Variants in SGO2 observed in about 807,000 individuals in gnomAD.
SGO2 encodes the protein shugoshin 2.
A neutral mutation model predicts 99.5 loss-of-function variants in SGO2; 68 were observed. The observed-to-expected ratio is 0.68, with a 90% confidence interval of 0.56 to 0.84. SGO2 has a LOEUF of 0.84. SGO2 is among the 40% of genes least tolerant of loss of function. SGO2 has a pLI of 0.00. For missense variants in SGO2, 1,350 were observed against 1,436.7 expected (o/e 0.94, Z 0.97); for synonymous variants, 457 against 487.1 (o/e 0.94, Z 0.81).
At chr2:200,530,106 G>A (rs1020834956) in intron 1 of SGO2, among the ~76,000 whole-genome samples, 4 of 150,186 alleles carry the variant, frequency 2.7e-5, no homozygotes, top group Non-Finnish European at 5.9e-5. Flanking sequence ...TGGAGAGACC[G>A]TACTAAGGAC....
In SGO2 at chr2:200,573,124, T is replaced by G; in HGVS notation, c.2778T>G (p.Asp926Glu). 6.3e-7 allele frequency: 1 copy of G among 1,592,176 alleles called. No individual in the cohort carries two copies. The highest frequency in any genetic ancestry group is 8.5e-7 in the Non-Finnish European group (1 of 1,174,352). ...IISEMNQIYE[D>E]NDKDAHVQES... is the part of the protein sequence containing the mutation. ...CTGAAATGAACCAGATATATGAGGA[T>G]AATGATAAAGATGCACATGTCCAAG... is the stretch of plus-strand genomic sequence containing the variant. The change falls in exon 7 of 9, where the codon GAT becomes GAG. Residue 926 changes from aspartate to glutamate, a missense_variant. Transcript: ENST00000357799.
At chr2:200,554,771 C>T (rs1228788045) in intron 5 of SGO2, among the ~76,000 whole-genome samples, 1 of 152,300 alleles carries the variant, frequency 6.6e-6, no homozygotes, top group East Asian at 1.9e-4. Flanking sequence ...GCCAAATACG[C>T]CAAATTTCAC....
rs3840472 is a variant in SGO2 at position 200,583,560 on chromosome 2, G to GT, written c.*106dup. 0.099 allele frequency: 102,074 copies of GT among 1,033,674 alleles called. 2,018 individuals are homozygous for GT. Among genetic ancestry groups the GT allele is most frequent in the Admixed American group, 0.13 (4,696 of 35,568 alleles). The allele number at this position is 1,033,674 out of a possible 1,614,324, so 64.0% of individuals were successfully genotyped here. A position where few individuals can be genotyped will look rare whatever the true frequency, so the allele number is the denominator to read the frequency against. The stretch of plus-strand genomic sequence containing the variant: ...AGAAGATGAAATGCTTAATGAAAAG[G>GT]TTTTTTTTTTGTTTCTTTGGCCTTT... On this transcript the variant is annotated 3_prime_UTR_variant, in exon 9 of 9. Transcript: ENST00000357799.
intron 5 of SGO2, among the ~76,000 whole-genome samples, chr2:200,557,974 C>T (rs1276397843): frequency 6.6e-6 from 1 of 151,614 alleles, no homozygotes; most frequent in East Asian, 1.9e-4. Context: ...AGCGATTCTC[C>T]TGCCTCAGCC....
intron 8 of SGO2, among the ~76,000 whole-genome samples, chr2:200,578,932 G>A (rs1486384592): frequency 1.3e-5 from 2 of 152,088 alleles, no homozygotes; most frequent in East Asian, 1.9e-4. Context: ...TGGCACTGTT[G>A]ACCTTTGGGG....
Position 200,571,705 on chromosome 2 carries a change from TAATGAACAGCTGGCTCAGATG to T in SGO2, c.1378_1398del (p.Met460_Gln466del), listed in dbSNP as rs779021867. The T allele has an allele frequency of 7.7e-5, 125 of 1,613,722 alleles. No homozygotes were observed. In the African/African-American group the frequency reaches 8.1e-4, roughly 10 times the overall value. On this transcript the variant is annotated inframe_deletion, in exon 7 of 9. Transcript: ENST00000357799. Reference sequence around the variant, plus strand: ...CAGAAGATCCCGGTTTTATTTTCAATAATGAACAGCTGGCTCAGATGAATGAACAGCTGGCTCAGGTGAATG... The same window carrying T: ...CAGAAGATCCCGGTTTTATTTTCAATAATGAACAGCTGGCTCAGGTGAATG...
chr2:200,566,087 C>T (rs2033176045), intron 5 of SGO2, among the ~76,000 whole-genome samples: 2 of 152,222 alleles, frequency 1.3e-5, no homozygotes, highest in African/African-American at 4.8e-5. Flanking sequence ...AAGTCATTCT[C>T]CATTCAGCTT....
chr2:200,538,343 T>C (rs564548594), intron 4 of SGO2, among the ~76,000 whole-genome samples: 4 of 152,326 alleles, frequency 2.6e-5, no homozygotes, highest in Non-Finnish European at 4.4e-5. Context: ...ACATGTTCTG[T>C]CTGCATGTGA....
At chr2:200,531,228 A>G (rs1029047639) in intron 1 of SGO2, among the ~76,000 whole-genome samples, 3 of 152,218 alleles carry the variant, frequency 2.0e-5, no homozygotes, top group Non-Finnish European at 2.9e-5. Context: ...GGTAATTGCA[A>G]TGGAAGTTTT....
intron 1 of SGO2, among the ~76,000 whole-genome samples, chr2:200,529,388 A>G (rs1042993895): frequency 2.0e-5 from 3 of 152,272 alleles, no homozygotes; most frequent in Admixed American, 2.0e-4. Flanking sequence ...TGAATAAAAC[A>G]TAAAAATCCA....
Position 200,571,234 on chromosome 2 carries a change from TAAAC to T in SGO2, c.891_894del (p.Lys297AsnfsTer8), listed in dbSNP as rs755860489. 1.9e-6 allele frequency: 3 copies of T among 1,613,526 alleles called. No individual in the cohort carries two copies. The highest frequency in any genetic ancestry group is 1.7e-5 in the Admixed American group (1 of 59,980). ...ACACTCCCTGTGCAACAGTTTTAGA[TAAAC>T]AACACATTTCAAGTCCAGAATTAAA... On this transcript the variant is annotated frameshift_variant, in exon 7 of 9. Coordinates refer to ENST00000357799, the MANE Select transcript of SGO2 (RefSeq NM_152524.6). LOFTEE classifies it high-confidence loss of function.
At position 200,573,017 on chromosome 2, in the gene SGO2, A is replaced by G. The variant is rs201567940; in HGVS notation, c.2671A>G (p.Thr891Ala). ...QNILELKKYV[T>A]DRKSAEQNES... ...TATATTGGAGTTGAAAAAGTATGTT[A>G]CTGATAGGAAATCTGCTGAGCAAAA... The change falls in exon 7 of 9, where the codon ACT becomes GCT. Residue 891 changes from threonine (T) to alanine (A), a missense_variant. Physicochemically the swap from Thr to Ala is moderately conservative, Grantham distance 58. Transcript: ENST00000357799. 18 of 1,572,158 alleles carry G rather than the reference A, an allele frequency of 1.1e-5. No homozygotes were observed. The African/African-American group carries it at 2.5e-4, about 22-fold the overall frequency.
At chr2:200,528,248 A>G (rs1025692350) in intron 1 of SGO2, among the ~76,000 whole-genome samples, 1 of 152,230 alleles carries the variant, frequency 6.6e-6, no homozygotes, top group Non-Finnish European at 1.5e-5. Flanking sequence ...AAGCTTTAAA[A>G]GGATCATTGT....
At chr2:200,568,817 A>T (rs561691052) in intron 5 of SGO2, among the ~76,000 whole-genome samples, 16 of 152,142 alleles carry the variant, frequency 1.1e-4, no homozygotes, top group African/African-American at 3.9e-4. Context: ...GTTGTTTTTT[A>T]AAATATTTTG....
At chr2:200,561,092 C>T (rs367744926) in intron 5 of SGO2, among the ~76,000 whole-genome samples, 160 of 152,144 alleles carry the variant, frequency 1.1e-3, no homozygotes, top group Non-Finnish European at 1.9e-3. Flanking sequence ...ATGTGCACAA[C>T]GTGCAGGTTT....
Position 200,572,012 on chromosome 2 carries a change from G to T in SGO2, c.1666G>T (p.Val556Leu). The T allele has an allele frequency of 6.2e-7, 1 of 1,612,498 alleles. No individual in the cohort carries two copies. The part of the protein sequence containing the change: ...DNLLPNQKDK[V>L]TIYENLDVTN... ...CTTACTCCCAAACCAAAAGGATAAA[G>T]TAACCATTTATGAAAACCTAGACGT... is the stretch of plus-strand genomic sequence containing the variant. Residue 556 changes from valine to leucine, a missense_variant, in exon 7 of 9, where the codon GTA becomes TTA. By Grantham distance (32) the Val-to-Leu change is conservative. Transcript: ENST00000357799.
intron 1 of SGO2, among the ~76,000 whole-genome samples, chr2:200,532,122 G>A (rs183327306): frequency 1.2e-4 from 18 of 152,238 alleles, no homozygotes; most frequent in African/African-American, 3.9e-4. Flanking sequence ...GAATGAACGT[G>A]ACCCAGGAGT....
chr2:200,572,571 A>G lies in SGO2; in HGVS notation c.2225A>G (p.His742Arg). The G allele has an allele frequency of 6.2e-7, 1 of 1,611,950 alleles. No homozygotes were observed. The highest frequency in any genetic ancestry group is 8.5e-7 in the Non-Finnish European group (1 of 1,178,436). Residue 742 changes from histidine to arginine, a missense_variant, in exon 7 of 9, where the codon CAC (histidine) becomes CGC (arginine). His to Arg is a conservative substitution (Grantham distance 29). Coordinates refer to ENST00000357799, the MANE Select transcript of SGO2 (RefSeq NM_152524.6). ...AGTATAGAATACACAGTTAAAAGTC[A>G]CTCACTCTTTTTAACGCAAAAAGAT... ...DKSIEYTVKSHSLFLTQKDKE... is the reference protein window; with the variant it reads ...DKSIEYTVKSRSLFLTQKDKE...
At position 200,572,233 on chromosome 2, in the gene SGO2, G is replaced by A. The variant is rs375793698; in HGVS notation, c.1887G>A (p.Met629Ile). The A allele has an allele frequency of 6.8e-5, 110 of 1,612,492 alleles. No homozygotes were observed. Among genetic ancestry groups the A allele is most frequent in the East Asian group, 2.2e-5 (1 of 44,854 alleles). Residue 629 changes from methionine to isoleucine, a missense_variant, in exon 7 of 9, where the codon ATG becomes ATA. By Grantham distance (10) the Met-to-Ile change is conservative. Coordinates refer to ENST00000357799, the MANE Select transcript of SGO2 (RefSeq NM_152524.6). ...AAATAATTTCTGGAATGAACCACAT[G>A]TATGAGGATAATGATAAAGATGTGG... ...KTEIISGMNH[M>I]YEDNDKDVVH...
Sources: gnomAD v4.1 joint callset for allele counts (sites outside exome capture counted in the v4.1 genomes callset) on GRCh38, gnomAD v4.1.1 for gene constraint, MANE v1.5 for transcripts, NCBI Gene and HGNC (gene_info 2026-07-23, HGNC 2026-07-21) for gene names.